Variants in UNC5D observed in about 807,000 individuals in gnomAD.
UNC5D encodes unc-5 netrin receptor D.
UNC5D carries 39 observed loss-of-function variants against 105.4 expected under a neutral mutation model. That is an observed-to-expected ratio of 0.37 (90% CI 0.29 to 0.48). The LOEUF is 0.48. Ranked by LOEUF, UNC5D falls within the 20% of genes least tolerant of loss-of-function variation. UNC5D has a pLI of 0.98. For synonymous variants in UNC5D, 452 were observed against 450.4 expected (o/e 1.00, Z -0.04); for missense variants, 991 against 1,202.4 (o/e 0.82, Z 2.60).
chr8:35,560,490 A>C (rs1816882239), intron 2 of UNC5D, among the ~76,000 whole-genome samples: 1 of 152,214 alleles, frequency 6.6e-6, no homozygotes, highest in South Asian at 2.1e-4. Context: ...CTGCCTATGT[A>C]AATGTGTATT....
chr8:35,271,696 CATGTATACATA>C (rs1805377952), intron 1 of UNC5D, among the ~76,000 whole-genome samples: 2 of 66,934 alleles, frequency 3.0e-5, no homozygotes, highest in Non-Finnish European at 6.3e-5. Flanking sequence ...TACATGTATA[CATGTATACATA>C]TATATTTATA....
Position 35,790,626 on chromosome 8 carries a change from G to T in UNC5D, c.*63G>T. 1 of 1,579,964 alleles carries T rather than the reference G, an allele frequency of 6.3e-7. No individual in the cohort carries two copies. The highest frequency in any genetic ancestry group is 8.7e-7 in the Non-Finnish European group (1 of 1,155,852). On this transcript the variant is annotated 3_prime_UTR_variant, in exon 17 of 17. Transcript: ENST00000404895. ...GGGGACATTTGCTTTAAATGGGAAAGAGGCCGCTTTCTGCCCAGTGGCGTT... is the reference window on the plus strand; with the variant it reads ...GGGGACATTTGCTTTAAATGGGAAATAGGCCGCTTTCTGCCCAGTGGCGTT...
At chr8:35,597,776 A>G (rs1819579192) in intron 4 of UNC5D, among the ~76,000 whole-genome samples, 2 of 152,168 alleles carry the variant, frequency 1.3e-5, no homozygotes, top group Non-Finnish European at 1.5e-5. Flanking sequence ...AGGAAAACTG[A>G]TGCTTGTATT....
intron 1 of UNC5D, among the ~76,000 whole-genome samples, chr8:35,447,483 C>T (rs1807874681): frequency 6.6e-6 from 1 of 152,034 alleles, no homozygotes; most frequent in African/African-American, 2.4e-5. Flanking sequence ...GGTTTCAGTC[C>T]TTCTACTGAC....
chr8:35,543,000 A>G (rs570899667), intron 1 of UNC5D, among the ~76,000 whole-genome samples: 2 of 152,314 alleles, frequency 1.3e-5, no homozygotes, highest in Admixed American at 6.5e-5. Context: ...ACATCACAAA[A>G]CACCAACAGA....
At chr8:35,503,365 C>T (rs897372279) in intron 1 of UNC5D, among the ~76,000 whole-genome samples, 6 of 152,116 alleles carry the variant, frequency 3.9e-5, no homozygotes, top group African/African-American at 7.2e-5. Flanking sequence ...ATGAGAGCCG[C>T]GTCAAAGGGA....
At chr8:35,332,869 A>G (rs368400695) in intron 1 of UNC5D, among the ~76,000 whole-genome samples, 11 of 152,328 alleles carry the variant, frequency 7.2e-5, no homozygotes, top group African/African-American at 2.6e-4. Context: ...TCTCCACTCC[A>G]GCTTTAACTG....
chr8:35,721,324 T>C (rs1310278003), intron 8 of UNC5D: 3 of 674,572 alleles, frequency 4.4e-6, no homozygotes, highest in Non-Finnish European at 5.4e-6. Context: ...GCTACAGGAA[T>C]AACCACATCC....
intron 8 of UNC5D, among the ~76,000 whole-genome samples, chr8:35,706,491 A>C (rs1827585810): frequency 6.6e-6 from 1 of 152,076 alleles, no homozygotes; most frequent in Non-Finnish European, 1.5e-5. Context: ...CATTGTCTTC[A>C]TTTTATGCTT....
At chr8:35,596,645 C>T (rs1172459524) in intron 4 of UNC5D, among the ~76,000 whole-genome samples, 1 of 152,092 alleles carries the variant, frequency 6.6e-6, no homozygotes, top group Non-Finnish European at 1.5e-5. Flanking sequence ...GTAAGACAAA[C>T]ATTGGTTCAG....
intron 1 of UNC5D, among the ~76,000 whole-genome samples, chr8:35,338,157 C>T (rs1811194436): frequency 6.6e-6 from 1 of 152,026 alleles, no homozygotes; most frequent in Non-Finnish European, 1.5e-5. Context: ...TTTTTTCAAC[C>T]TAATTTCTGG....
chr8:35,537,726 ATATTT>A (rs1191077609), intron 1 of UNC5D, among the ~76,000 whole-genome samples: 4 of 150,090 alleles, frequency 2.7e-5, no homozygotes, highest in Admixed American at 6.7e-5. Context: ...AAATAAGTAA[ATATTT>A]TATTTATACA....
intron 1 of UNC5D, among the ~76,000 whole-genome samples, chr8:35,247,352 T>G (rs1452038919): frequency 6.7e-6 from 1 of 149,778 alleles, no homozygotes; most frequent in Non-Finnish European, 1.5e-5. Flanking sequence ...GCAGAAATAA[T>G]ATTGTAAAAA....
At chr8:35,570,851 G>A (rs1437396779) in intron 3 of UNC5D, among the ~76,000 whole-genome samples, 13 of 151,860 alleles carry the variant, frequency 8.6e-5, no homozygotes, top group Non-Finnish European at 1.9e-4. Context: ...CCAGCTACTC[G>A]GGAGGCTGAG....
chr8:35,355,002 C>T (rs1002643082), intron 1 of UNC5D, among the ~76,000 whole-genome samples: 2 of 152,064 alleles, frequency 1.3e-5, no homozygotes, highest in African/African-American at 4.8e-5. Context: ...TTCCAAGAGC[C>T]AGTGTTTTAA....
chr8:35,440,917 TGTTCTGAGAGGAGG>T (rs551610744), intron 1 of UNC5D, among the ~76,000 whole-genome samples: 2 of 152,084 alleles, frequency 1.3e-5, no homozygotes, highest in South Asian at 4.1e-4. Context: ...AGACTATACA[TGTTCTGAGAGGAGG>T]GTAGGGACCA....
chr8:35,599,030 C>A (rs1401579912), intron 4 of UNC5D, among the ~76,000 whole-genome samples: 1 of 150,496 alleles, frequency 6.6e-6, no homozygotes, highest in South Asian at 2.1e-4. Flanking sequence ...GTAGTCCCAG[C>A]TACTTGGGAG....
chr8:35,675,387 T>C (rs79907126), intron 4 of UNC5D, among the ~76,000 whole-genome samples: 1,649 of 152,272 alleles, frequency 0.011, 22 homozygotes, highest in African/African-American at 0.038. Flanking sequence ...CATCCTTAGA[T>C]GGGAGATACT....
Position 35,726,547 on chromosome 8 carries a change from GT to G in UNC5D, c.1681+21del, listed in dbSNP as rs759496335. On this transcript the variant is annotated intron_variant, in intron 10 of 16. Coordinates refer to ENST00000404895, the MANE Select transcript of UNC5D (RefSeq NM_080872.4). ...AAATACAGGTGGGTGGTAAGTGTGT[GT>G]TTGTGTATTTTCCATCATTTAAATG... is the stretch of plus-strand genomic sequence containing the variant. The G allele has an allele frequency of 6.2e-7, 1 of 1,603,984 alleles. No individual in the cohort carries two copies. Among genetic ancestry groups the G allele is most frequent in the African/African-American group, 1.3e-5 (1 of 74,694 alleles).
Sources: gnomAD v4.1 joint callset for allele counts (sites outside exome capture counted in the v4.1 genomes callset) on GRCh38, gnomAD v4.1.1 for gene constraint, MANE v1.5 for transcripts, NCBI Gene and HGNC (gene_info 2026-07-23, HGNC 2026-07-21) for gene names.